Variants in SCN2A observed in about 807,000 individuals in gnomAD.
The protein encoded by SCN2A is sodium voltage-gated channel alpha subunit 2, also known as sodium channel protein type 2 subunit alpha.
A neutral mutation model predicts 188.7 loss-of-function variants in SCN2A; 20 were observed. The ratio of observed to expected loss-of-function variants is 0.11; its 90% CI spans 0.07 to 0.15. The LOEUF is 0.15. Ranked by LOEUF, SCN2A falls within the 10% of genes least tolerant of loss-of-function variation. SCN2A has a pLI of 1.00. For missense variants in SCN2A, 1,278 were observed against 2,445.0 expected (o/e 0.52, Z 10.07); for synonymous variants, 804 against 833.1 (o/e 0.97, Z 0.60).
chr2:165,247,587 T>G (rs1693903173), intron 1 of SCN2A, among the ~76,000 whole-genome samples: 1 of 152,290 alleles, frequency 6.6e-6, no homozygotes, highest in Non-Finnish European at 1.5e-5. Flanking sequence ...TTGACTCTTC[T>G]CTTAGCTTAT....
At chr2:165,339,696 G>T (rs1699204765) in intron 14 of SCN2A, among the ~76,000 whole-genome samples, 1 of 152,084 alleles carries the variant, frequency 6.6e-6, no homozygotes, top group Non-Finnish European at 1.5e-5. Flanking sequence ...CCATGTTCAT[G>T]CAATGGAAGA....
At chr2:165,303,810 CTT>C (rs1221720919) in intron 3 of SCN2A, among the ~76,000 whole-genome samples, 1 of 152,060 alleles carries the variant, frequency 6.6e-6, no homozygotes, top group Admixed American at 6.5e-5. Context: ...GAAGTTTTAA[CTT>C]AAGTGTATAC....
Position 165,391,680 on chromosome 2 carries a change from A to T in SCN2A, c.*1856A>T, listed in dbSNP as rs778638824. 2 of 152,456 alleles carry T rather than the reference A, an allele frequency of 1.3e-5. No individual in the cohort carries two copies. The highest frequency in any genetic ancestry group is 2.9e-5 in the Non-Finnish European group (2 of 67,952). The allele number at this position is 152,456 out of a possible 1,614,324, so 9.4% of individuals were successfully genotyped here. On this transcript the variant is annotated 3_prime_UTR_variant, in exon 27 of 27. Coordinates refer to ENST00000375437, the MANE Select transcript of SCN2A (RefSeq NM_001040142.2). ...GCTTAAAGAAAAAAAAAATCAGCTG[A>T]TACTCTTGGCATTGCTTGAATCCAA...
Position 165,389,680 on chromosome 2 carries a change from A to G in SCN2A, c.5874A>G (p.Ser1958=). 6.2e-7 allele frequency: 1 copy of G among 1,614,058 alleles called. No individual in the cohort carries two copies. The highest frequency in any genetic ancestry group is 8.5e-7 in the Non-Finnish European group (1 of 1,179,954). The part of the protein sequence containing the change: ...DTLIDKLNEN[S]TPEKTDMTPS... The stretch of plus-strand genomic sequence containing the variant: ...TCATTGATAAACTGAATGAGAATTC[A>G]ACTCCAGAGAAAACCGATATGACGC... The change falls in exon 27 of 27, where the codon TCA becomes TCG. Residue 1958 remains serine (S), a synonymous_variant. Transcript: ENST00000375437. This position sits in a 1 kb window ranked among gnomAD's most constrained non-coding sequence, Gnocchi z 4.2.
intron 11 of SCN2A, among the ~76,000 whole-genome samples, chr2:165,320,913 C>T (rs1231908314): frequency 6.6e-6 from 1 of 152,184 alleles, no homozygotes; most frequent in East Asian, 1.9e-4. Flanking sequence ...ACATTCAGCT[C>T]CTCATTACTT....
At chr2:165,275,968 C>T (rs1392378824) in intron 1 of SCN2A, among the ~76,000 whole-genome samples, 1 of 152,132 alleles carries the variant, frequency 6.6e-6, no homozygotes, top group Non-Finnish European at 1.5e-5. Flanking sequence ...CTCCTAACCT[C>T]ATAATCTGCC....
intron 25 of SCN2A, among the ~76,000 whole-genome samples, chr2:165,384,125 C>G (rs1264881859): frequency 6.6e-6 from 1 of 151,476 alleles, no homozygotes; most frequent in Non-Finnish European, 1.5e-5. Flanking sequence ...GCTGAGTCCT[C>G]TAATGAATTT....
At chr2:165,291,479 TTTC>T (rs1696153134) in intron 1 of SCN2A, among the ~76,000 whole-genome samples, 2 of 54,684 alleles carry the variant, frequency 3.7e-5, no homozygotes, top group African/African-American at 6.2e-5. Context: ...TCTTTCTTTC[TTTC>T]TTTCTTTCTT....
intron 1 of SCN2A, chr2:165,294,225 AC>A: frequency 3.7e-6 from 2 of 541,652 alleles, no homozygotes; most frequent in Non-Finnish European, 4.7e-6. Context: ...CTGCAGAGGG[AC>A]CACTTTCATT....
intron 18 of SCN2A, among the ~76,000 whole-genome samples, chr2:165,365,942 T>C (rs759567691): frequency 6.6e-6 from 1 of 152,186 alleles, no homozygotes; most frequent in Admixed American, 6.5e-5. Context: ...ATGCTGTGTA[T>C]CAAACCACCA....
At chr2:165,272,565 C>A (rs1215473157) in intron 1 of SCN2A, 2 of 152,008 alleles carry the variant, frequency 1.3e-5, no homozygotes. Flanking sequence ...AATATACATT[C>A]TTTTCAAATA....
intron 17 of SCN2A, among the ~76,000 whole-genome samples, chr2:165,356,445 A>G (rs1231200129): frequency 1.3e-5 from 2 of 152,220 alleles, no homozygotes; most frequent in Non-Finnish European, 2.9e-5. Context: ...CTCTTATAGA[A>G]GCTGAAGTCG....
intron 1 of SCN2A, among the ~76,000 whole-genome samples, chr2:165,265,831 T>C (rs977777719): frequency 4.2e-4 from 63 of 151,608 alleles, no homozygotes; most frequent in Non-Finnish European, 8.8e-5. Context: ...CTTCTTTTTT[T>C]TCTCTTAATA....
At position 165,297,165 on chromosome 2, in the gene SCN2A, G is replaced by A. The variant is rs757588685; in HGVS notation, c.386+30G>A. The A allele has an allele frequency of 3.1e-6, 4 of 1,309,924 alleles. No homozygotes were observed. The South Asian group carries it at 3.6e-5, about 12-fold the overall frequency. The allele number at this position is 1,309,924 out of a possible 1,614,324, so 81.1% of individuals were successfully genotyped here. A position where few individuals can be genotyped will look rare whatever the true frequency, so the allele number is the denominator to read the frequency against. On this transcript the variant is annotated intron_variant, in intron 3 of 26. Coordinates refer to ENST00000375437, the MANE Select transcript of SCN2A (RefSeq NM_001040142.2). ...CCTTTTTCAAATCGTCACTTAATAT[G>A]ATTTTCTTCTTTGACCAAGTTATTG...
intron 12 of SCN2A, 137 bp downstream of exon 12, chr2:165,323,637 A>C: frequency 1.2e-6 from 1 of 812,302 alleles, no homozygotes; most frequent in Non-Finnish European, 2.0e-6. Context: ...CAAGCTGTTA[A>C]CTGTCTTGTG....
At chr2:165,307,174 G>A (rs931686391) in intron 3 of SCN2A, among the ~76,000 whole-genome samples, 3 of 152,106 alleles carry the variant, frequency 2.0e-5, no homozygotes, top group African/African-American at 7.2e-5. Context: ...GGGCCATTAA[G>A]TTGAAGGAGA....
chr2:165,378,385 A>G (rs951486366), intron 23 of SCN2A, among the ~76,000 whole-genome samples: 6 of 151,564 alleles, frequency 4.0e-5, no homozygotes, highest in African/African-American at 1.5e-4. Context: ...AAAGCATGAA[A>G]AGCCCTGCAT....
At chr2:165,263,110 T>A (rs1356900137) in intron 1 of SCN2A, among the ~76,000 whole-genome samples, 1 of 152,174 alleles carries the variant, frequency 6.6e-6, no homozygotes, top group Non-Finnish European at 1.5e-5. Context: ...TCTGGCTGAT[T>A]TGTTTGAGTT....
At chr2:165,272,518 A>C (rs1695149073) in intron 1 of SCN2A, 1 of 152,074 alleles carries the variant, frequency 6.6e-6, no homozygotes, top group Non-Finnish European at 1.5e-5. Context: ...TGCAGACCTA[A>C]CTGACATTTA....
Sources: gnomAD v4.1 joint callset for allele counts (sites outside exome capture counted in the v4.1 genomes callset) on GRCh38, gnomAD v4.1.1 for gene constraint, Gnocchi (gnomAD v3.1) non-coding constraint, MANE v1.5 for transcripts, NCBI Gene and HGNC (gene_info 2026-07-23, HGNC 2026-07-21) for gene names.